Variants in DNAI3 observed in about 807,000 individuals in gnomAD.
DNAI3 encodes the protein dynein axonemal intermediate chain 3.
Under a neutral mutation model 115.5 loss-of-function variants are expected in DNAI3, and 83 were observed. The observed-to-expected ratio is 0.72, with a 90% confidence interval of 0.60 to 0.86. The LOEUF is 0.86. Among genes scored for constraint, DNAI3 ranks in the 40% least tolerant of loss-of-function variants. The probability of loss-of-function intolerance (pLI) is 0.00; values close to 1 mark genes in which losing one functional copy is unlikely to be tolerated. For missense variants in DNAI3, 1,004 were observed against 1,075.8 expected (o/e 0.93, Z 0.93); for synonymous variants, 320 against 347.0 (o/e 0.92, Z 0.86).
At chr1:85,110,209 C>A (rs554587329) in intron 16 of DNAI3, 74 bp downstream of exon 16, 1 of 1,367,870 alleles carries the variant, frequency 7.3e-7, no homozygotes, top group Non-Finnish European at 1.0e-6. Context: ...CCCAGCACTT[C>A]GGGAGGCTGA....
At chr1:85,097,735 G>A (rs1183218887) in intron 12 of DNAI3, 80 bp downstream of exon 12, 1 of 1,259,480 alleles carries the variant, frequency 7.9e-7, no homozygotes, top group Non-Finnish European at 1.1e-6. Context: ...AGTTGCCAAG[G>A]CTAATAAAAA....
At chr1:85,086,068 T>G in intron 7 of DNAI3, 38 bp downstream of exon 7, 1 of 1,584,704 alleles carries the variant, frequency 6.3e-7, no homozygotes, top group East Asian at 2.2e-5. Context: ...TTATAGCCAG[T>G]TACAGTAAAA....
In DNAI3 at chr1:85,124,165, C is replaced by T; in HGVS notation, c.2026C>T (p.His676Tyr). The T allele has an allele frequency of 6.2e-7, 1 of 1,614,218 alleles. No homozygotes were observed. The highest frequency in any genetic ancestry group is 8.5e-7 in the Non-Finnish European group (1 of 1,180,030). ...SHHTIHDGTV[H>Y]TIQRSPFYND... ...CCACACCATTCACGACGGAACTGTC[C>T]ACACTATTCAGAGATCACCTTTCTA... Residue 676 changes from histidine (H) to tyrosine (Y), a missense_variant, in exon 19 of 23, where the codon CAC becomes TAC. Transcript: ENST00000294664.
chr1:85,086,166 A>T, intron 7 of DNAI3, 136 bp downstream of exon 7: 1 of 801,842 alleles, frequency 1.2e-6, no homozygotes, highest in South Asian at 1.9e-5. Context: ...CCACAGAGTA[A>T]TTCAATTCAG....
At chr1:85,107,241 C>T (rs1655514633) in intron 14 of DNAI3, among the ~76,000 whole-genome samples, 1 of 152,134 alleles carries the variant, frequency 6.6e-6, no homozygotes, top group Non-Finnish European at 1.5e-5. Flanking sequence ...GTCCTAGATA[C>T]ACCCAAGAGA....
chr1:85,082,227 AT>A (rs1470399764), intron 4 of DNAI3, 72 bp from the exon 5 acceptor site: 3 of 1,227,600 alleles, frequency 2.4e-6, no homozygotes, highest in African/African-American at 3.0e-5. Flanking sequence ...CGAAATGTGA[AT>A]TTTGTGTTGG....
intron 20 of DNAI3, among the ~76,000 whole-genome samples, chr1:85,128,230 GC>G (rs2100618421): frequency 6.6e-6 from 1 of 151,878 alleles, no homozygotes; most frequent in East Asian, 1.9e-4. Flanking sequence ...TTCAAAGGCA[GC>G]TACTTGTTTT....
At chr1:85,078,195 A>G (rs1255000333) in intron 3 of DNAI3, among the ~76,000 whole-genome samples, 2 of 152,076 alleles carry the variant, frequency 1.3e-5, no homozygotes, top group African/African-American at 4.8e-5. Context: ...GAGTTCAGGG[A>G]TCTTGGTTTT....
At chr1:85,070,085 G>A (rs1809249) in intron 1 of DNAI3, among the ~76,000 whole-genome samples, 124,547 of 151,852 alleles carry the variant, frequency 0.82, 51,855 homozygotes, top group South Asian at 0.9. Context: ...ATATGGTGAA[G>A]CCCCGTCTCT....
Position 85,098,677 on chromosome 1 carries a change from A to G in DNAI3, c.1479+19A>G. ...ATTTGAGGTGAGACTTGATGGCCTT[A>G]TACTTTTCTCCTGCTGAATTACACA... On this transcript the variant is annotated intron_variant, in intron 13 of 22. Coordinates refer to ENST00000294664, the MANE Select transcript of DNAI3 (RefSeq NM_145172.5). 1 of 1,607,304 alleles carries G rather than the reference A, an allele frequency of 6.2e-7. No individual in the cohort carries two copies. Among genetic ancestry groups the G allele is most frequent in the Non-Finnish European group, 8.5e-7 (1 of 1,177,958 alleles).
At chr1:85,084,395 A>G (rs1037288599) in intron 5 of DNAI3, 151 bp from the exon 6 acceptor site, 27 of 418,706 alleles carry the variant, frequency 6.4e-5, no homozygotes, top group Middle Eastern at 8.1e-4. Context: ...TTTCCTTTTC[A>G]TAATTCAAAA....
intron 4 of DNAI3, among the ~76,000 whole-genome samples, chr1:85,081,722 A>C (rs955138115): frequency 2.6e-5 from 4 of 152,154 alleles, no homozygotes; most frequent in African/African-American, 9.7e-5. Context: ...ATCATGGCGC[A>C]CTGCAACCTC....
intron 14 of DNAI3, among the ~76,000 whole-genome samples, chr1:85,106,846 T>C (rs1655502882): frequency 6.6e-6 from 1 of 152,134 alleles, no homozygotes; most frequent in Non-Finnish European, 1.5e-5. Context: ...AAATATAACG[T>C]TGGATTCCTA....
At chr1:85,100,657 T>A (rs1049969144) in intron 13 of DNAI3, among the ~76,000 whole-genome samples, 1 of 152,240 alleles carries the variant, frequency 6.6e-6, no homozygotes, top group South Asian at 2.1e-4. Flanking sequence ...CATGCTGCTA[T>A]AAAGACACAT....
chr1:85,101,148 T>C (rs1655296961), intron 13 of DNAI3, among the ~76,000 whole-genome samples: 1 of 146,030 alleles, frequency 6.8e-6, no homozygotes, highest in African/African-American at 2.6e-5. Context: ...AAAAAAGAAA[T>C]AGCACTTGAA....
intron 17 of DNAI3, among the ~76,000 whole-genome samples, chr1:85,121,324 C>G (rs938114969): frequency 1.3e-5 from 2 of 152,184 alleles, no homozygotes; most frequent in African/African-American, 4.8e-5. Flanking sequence ...GTAATTACTA[C>G]CATGTATGCA....
intron 3 of DNAI3, among the ~76,000 whole-genome samples, chr1:85,074,871 T>G (rs1654403898): frequency 6.6e-6 from 1 of 152,178 alleles, no homozygotes; most frequent in African/African-American, 2.4e-5. Flanking sequence ...ACTGAACTCA[T>G]GGCCAAATCA....
chr1:85,111,355 C>A (rs113547113), intron 16 of DNAI3, among the ~76,000 whole-genome samples: 1 of 152,314 alleles, frequency 6.6e-6, no homozygotes, highest in African/African-American at 2.4e-5. Flanking sequence ...TTCTCCTTCT[C>A]CACCTCTCCT....
chr1:85,099,321 T>C (rs1655216633), intron 13 of DNAI3: 7 of 973,094 alleles, frequency 7.2e-6, no homozygotes, highest in Non-Finnish European at 6.1e-6. Flanking sequence ...ATCACAAGCA[T>C]TCTATACACC....
Sources: allele counts gnomAD v4.1 joint callset (sites outside exome capture counted in the v4.1 genomes callset), GRCh38; gene constraint gnomAD v4.1.1; transcripts MANE v1.5; gene names NCBI Gene and HGNC (gene_info 2026-07-23, HGNC 2026-07-21).